The following NXPH1 variants were observed in gnomAD, a reference collection of about 807,000 sequenced individuals.
NXPH1 encodes the protein neurexophilin 1.
A neutral mutation model predicts 23.7 loss-of-function variants in NXPH1; 5 were observed. The observed-to-expected ratio is 0.21, with a 90% CI of 0.11 to 0.44. The LOEUF is 0.44. Ranked by LOEUF, NXPH1 falls within the 20% of genes least tolerant of loss-of-function variation. The pLI, the probability that NXPH1 is intolerant of heterozygous loss-of-function variation, is 0.99. For synonymous variants in NXPH1, 144 were observed against 122.2 expected, an observed-to-expected ratio of 1.18 and a Z score of -1.18; for missense variants, 324 against 321.6, an observed-to-expected ratio of 1.01 and a Z score of -0.06.
chr7:8,665,027 T>C (rs1451242512), intron 2 of NXPH1, among the ~76,000 whole-genome samples: 1 of 151,956 alleles, frequency 6.6e-6, no homozygotes, highest in Non-Finnish European at 1.5e-5. Flanking sequence ...TTATATGTTA[T>C]GTAATCCAAT....
intron 2 of NXPH1, among the ~76,000 whole-genome samples, chr7:8,722,574 G>A (rs568802277): frequency 2.0e-5 from 3 of 152,138 alleles, no homozygotes; most frequent in African/African-American, 7.2e-5. Flanking sequence ...GTTTGCAAAT[G>A]GTGCCAATTT....
chr7:8,513,996 C>A (rs899330822), intron 2 of NXPH1, among the ~76,000 whole-genome samples: 2 of 152,090 alleles, frequency 1.3e-5, no homozygotes, highest in Admixed American at 6.6e-5. Context: ...CATCTTCTCC[C>A]TGTTTCTCTT....
At chr7:8,457,777 G>C (rs946524817) in intron 2 of NXPH1, among the ~76,000 whole-genome samples, 1 of 152,068 alleles carries the variant, frequency 6.6e-6, no homozygotes. Flanking sequence ...TGGAGGCTAT[G>C]TGTGTATATT....
At chr7:8,659,409 G>A (rs1479141165) in intron 2 of NXPH1, among the ~76,000 whole-genome samples, 1 of 152,120 alleles carries the variant, frequency 6.6e-6, no homozygotes, top group East Asian at 1.9e-4. Context: ...TTAGCTCAGA[G>A]AAGTTTGATC....
chr7:8,523,565 C>G (rs1817810931), intron 2 of NXPH1, among the ~76,000 whole-genome samples: 1 of 152,158 alleles, frequency 6.6e-6, no homozygotes, highest in South Asian at 2.1e-4. Flanking sequence ...GAATAGGATT[C>G]TAAGGATTAG....
At chr7:8,444,754 G>C (rs1816367611) in intron 2 of NXPH1, among the ~76,000 whole-genome samples, 1 of 152,218 alleles carries the variant, frequency 6.6e-6, no homozygotes. Context: ...TCGCTGCAAA[G>C]AAGATAGGAT....
rs538732580 is a variant in NXPH1 at position 8,685,252 on chromosome 7, T to G, written c.55-65756T>G. On this transcript the variant is annotated intron_variant, in intron 2 of 2. Coordinates refer to ENST00000405863, the MANE Select transcript of NXPH1 (RefSeq NM_152745.3). ...TAATACCCTAAGCCAAATGAGTTTT[T>G]TTTTTTTTTTAATTAGGTATGTTTG... Among the ~76,000 whole-genome samples, 672 of 152,122 alleles carry G rather than the reference T, an allele frequency of 4.4e-3. 6 individuals are homozygous for G. The highest frequency in any genetic ancestry group is 6.1e-3 in the Non-Finnish European group (415 of 67,972).
In NXPH1 at chr7:8,745,281, G is replaced by A. The variant is rs1780447719; in HGVS notation, c.55-5727G>A. Among the ~76,000 whole-genome samples the A allele has an allele frequency of 4.6e-5, 7 of 152,132 alleles. No individual in the cohort carries two copies. The South Asian group carries it at 1.2e-3, about 27-fold the overall frequency. On this transcript the variant is annotated intron_variant, in intron 2 of 2. Coordinates refer to ENST00000405863, the MANE Select transcript of NXPH1 (RefSeq NM_152745.3). ...TGAGATATGTATACATTGTGGAATG[G>A]CTAAATCAAGCTATTTACCATATGC...
At chr7:8,706,708 C>T (rs774693416) in intron 2 of NXPH1, among the ~76,000 whole-genome samples, 4 of 152,224 alleles carry the variant, frequency 2.6e-5, no homozygotes, top group Admixed American at 6.5e-5. Context: ...CTCAACAACA[C>T]GAATATTCCC....
At position 8,473,739 on chromosome 7, in the gene NXPH1, T is replaced by G. The variant is rs1026747895; in HGVS notation, c.54+37972T>G. 2.0e-5 allele frequency among the ~76,000 whole-genome samples: 3 copies of G among 148,918 alleles called. No individual in the cohort carries two copies. In the East Asian group the frequency reaches 5.8e-4, roughly 29 times the overall value. ...GTAGACATCAGAATGCTGTGTGTGT[T>G]TTTTTTTTTTTAAAGAGAAGGCAAA... On this transcript the variant is annotated intron_variant, in intron 2 of 2. Coordinates refer to ENST00000405863, the MANE Select transcript of NXPH1 (RefSeq NM_152745.3).
intron 2 of NXPH1, among the ~76,000 whole-genome samples, chr7:8,555,035 G>A (rs1367306082): frequency 6.6e-6 from 1 of 151,622 alleles, no homozygotes; most frequent in African/African-American, 2.4e-5. Flanking sequence ...GGCAGTCCTT[G>A]GAAGGCAGTG....
chr7:8,655,587 TG>T (rs1820568428), intron 2 of NXPH1, among the ~76,000 whole-genome samples: 1 of 74,188 alleles, frequency 1.3e-5, no homozygotes, highest in Non-Finnish European at 3.0e-5. Flanking sequence ...TGTGTGTGTG[TG>T]TGTGTATGTT....
Position 8,435,550 on chromosome 7 carries a change from C to G in NXPH1, c.-110-54C>G, listed in dbSNP as rs942542169. 2 of 603,446 alleles carry G rather than the reference C, an allele frequency of 3.3e-6. No individual in the cohort carries two copies. The highest frequency in any genetic ancestry group is 5.3e-5 in the Admixed American group (2 of 37,670). 37.4% of individuals were successfully genotyped at this position (603,446 alleles called of 1,614,324 possible). A position where few individuals can be genotyped will look rare whatever the true frequency, so the allele number is the denominator to read the frequency against. On this transcript the variant is annotated intron_variant, in intron 1 of 2. Transcript: ENST00000405863. The surrounding 1 kb of genome is among the most constrained non-coding windows in gnomAD (Gnocchi z 5.9). ...CGACCCCCTTTCCCCGCTTGATTGT[C>G]AAGCCTAACCTTGCCCGCGTAGTCA...
At chr7:8,451,504 G>A (rs1285907586) in intron 2 of NXPH1, among the ~76,000 whole-genome samples, 2 of 152,126 alleles carry the variant, frequency 1.3e-5, no homozygotes, top group African/African-American at 4.8e-5. Context: ...TTCTGTCTTT[G>A]GAACATTATT....
At chr7:8,605,611 T>C (rs1445463286) in intron 2 of NXPH1, among the ~76,000 whole-genome samples, 1 of 152,154 alleles carries the variant, frequency 6.6e-6, no homozygotes, top group African/African-American at 2.4e-5. Context: ...TGATTGTGTG[T>C]CATTATCATG....
chr7:8,506,978 G>T (rs1235636812), intron 2 of NXPH1, among the ~76,000 whole-genome samples: 1 of 149,382 alleles, frequency 6.7e-6, no homozygotes, highest in Non-Finnish European at 1.5e-5. Flanking sequence ...GACATGATCA[G>T]ATTTGCATGT....
intron 2 of NXPH1, among the ~76,000 whole-genome samples, chr7:8,735,708 A>T (rs1172367164): frequency 6.6e-6 from 1 of 152,190 alleles, no homozygotes; most frequent in South Asian, 2.1e-4. Context: ...TTTCAGAAGG[A>T]ATGGTACCAG....
At chr7:8,504,480 G>T (rs1337150207) in intron 2 of NXPH1, among the ~76,000 whole-genome samples, 1 of 152,000 alleles carries the variant, frequency 6.6e-6, no homozygotes, top group Non-Finnish European at 1.5e-5. Flanking sequence ...GTAGAACAGG[G>T]AACTCACCTA....
intron 2 of NXPH1, among the ~76,000 whole-genome samples, chr7:8,578,841 C>G (rs1290820585): frequency 1.3e-5 from 2 of 152,114 alleles, no homozygotes; most frequent in Non-Finnish European, 1.5e-5. Context: ...TTCAGTTGAG[C>G]CTTACAAGAT....
Sources: allele counts gnomAD v4.1 joint callset (sites outside exome capture counted in the v4.1 genomes callset), GRCh38; gene constraint gnomAD v4.1.1; non-coding constraint Gnocchi (gnomAD v3.1); transcripts MANE v1.5; gene names NCBI Gene and HGNC (gene_info 2026-07-23, HGNC 2026-07-21).